NEURL1B: variants seen among roughly 807,000 people sequenced by gnomAD.
NEURL1B encodes E3 ubiquitin-protein ligase NEURL1B.
NEURL1B carries 13 observed loss-of-function variants against 37.4 expected under a neutral mutation model. The ratio of observed to expected loss-of-function variants is 0.35; its 90% CI spans 0.23 to 0.55. The LOEUF (loss-of-function observed/expected upper bound fraction) is 0.55, where lower values mean the gene tolerates loss of function less well. Among genes scored for constraint, NEURL1B ranks in the 20% least tolerant of loss-of-function variants. The pLI, the probability that NEURL1B is intolerant of heterozygous loss-of-function variation, is 0.89. For synonymous variants in NEURL1B, 432 were observed against 426.6 expected (o/e 1.01, Z -0.16); for missense variants, 790 against 879.2 (o/e 0.90, Z 1.28).
chr5:172,676,801 A>T lies in NEURL1B; in HGVS notation c.577+6471A>T, dbSNP rs1408785443. On this transcript the variant is annotated intron_variant, in intron 2 of 4. Coordinates refer to ENST00000369800, the MANE Select transcript of NEURL1B (RefSeq NM_001142651.3). The surrounding 1 kb of genome is among the most constrained non-coding windows in gnomAD (Gnocchi z 4.5). ...TTCTGTTCCTTACAAGAATCCTGTG[A>T]GGCAGGAAACTCATTTGCAAACTCC... 6.6e-6 allele frequency among the ~76,000 whole-genome samples: 1 copy of T among 152,230 alleles called. No individual in the cohort carries two copies. The highest frequency in any genetic ancestry group is 1.5e-5 in the Non-Finnish European group (1 of 68,034).
At chr5:172,660,051 G>A (rs139690626) in intron 1 of NEURL1B, among the ~76,000 whole-genome samples, 166 of 152,340 alleles carry the variant, frequency 1.1e-3, no homozygotes, top group African/African-American at 3.6e-3. Flanking sequence ...GGCAGCCAGC[G>A]CGGGCCCTGG....
chr5:172,643,389 C>T (rs931343912), intron 1 of NEURL1B, among the ~76,000 whole-genome samples: 2 of 152,206 alleles, frequency 1.3e-5, no homozygotes, highest in Admixed American at 6.5e-5. Context: ...GTGATGGTCC[C>T]CATGCATGGA....
chr5:172,665,175 T>C lies in NEURL1B; in HGVS notation c.32-4610T>C, dbSNP rs1757986243. On this transcript the variant is annotated intron_variant, in intron 1 of 4. Transcript: ENST00000369800. The surrounding 1 kb of genome is among the most constrained non-coding windows in gnomAD (Gnocchi z 4.1). Reference sequence around the variant, plus strand: ...CATGGACGCTGGTGCTCAGAAGGGCTTTTGATATGTGGTCATATTTAATGT... The same window carrying C: ...CATGGACGCTGGTGCTCAGAAGGGCCTTTGATATGTGGTCATATTTAATGT... Among the ~76,000 whole-genome samples, 1 of 152,204 alleles carries C rather than the reference T, an allele frequency of 6.6e-6. No homozygotes were observed. Among genetic ancestry groups the C allele is most frequent in the Admixed American group, 6.5e-5 (1 of 15,282 alleles).
intron 1 of NEURL1B, among the ~76,000 whole-genome samples, chr5:172,644,959 T>C (rs7730108): frequency 0.56 from 84,760 of 152,066 alleles, 25,457 homozygotes; most frequent in African/African-American, 0.78. Flanking sequence ...TGGGCTCACC[T>C]GCAGCTCTGG....
intron 1 of NEURL1B, among the ~76,000 whole-genome samples, chr5:172,656,246 T>C (rs1757774019): frequency 2.6e-5 from 4 of 152,074 alleles, no homozygotes; most frequent in Non-Finnish European, 5.9e-5. Context: ...TGAGTTAGGG[T>C]GAAGCAGGTA....
Position 172,683,504 on chromosome 5 carries a change from G to A in NEURL1B, c.663G>A (p.Ala221=). 1.3e-6 allele frequency: 2 copies of A among 1,503,190 alleles called. No individual in the cohort carries two copies. The highest frequency in any genetic ancestry group is 2.5e-5 in the South Asian group (2 of 80,512). The allele number at this position is 1,503,190 out of a possible 1,614,324, so 93.1% of individuals were successfully genotyped here. ...GCCTGCCGCCCAGCAGCCACGACGC[G>A]GCCAACTTCGACAACAACGAGCTCG... The part of the protein sequence containing the change: ...SACLPPSSHD[A]ANFDNNELEN... Residue 221 remains alanine (A), a synonymous_variant, in exon 3 of 5, where the codon GCG becomes GCA. Transcript: ENST00000369800. The surrounding 1 kb of genome is among the most constrained non-coding windows in gnomAD (Gnocchi z 5.6).
intron 3 of NEURL1B, among the ~76,000 whole-genome samples, chr5:172,684,470 G>T (rs1758443589): frequency 1.3e-5 from 2 of 152,252 alleles, no homozygotes; most frequent in East Asian, 1.9e-4. Flanking sequence ...TCCGAGCTTG[G>T]CAGGCTATAT....
rs1286376118 is a variant in NEURL1B at position 172,647,364 on chromosome 5, C to T, written c.31+5927C>T. Reference sequence around the variant, plus strand: ...CTGCACTAGGCCCTTTATTCCATCCCATTGAAGCCGTCATGAGAGCCTTGC... The same window carrying T: ...CTGCACTAGGCCCTTTATTCCATCCTATTGAAGCCGTCATGAGAGCCTTGC... On this transcript the variant is annotated intron_variant, in intron 1 of 4. Coordinates refer to ENST00000369800, the MANE Select transcript of NEURL1B (RefSeq NM_001142651.3). This position sits in a 1 kb window ranked among gnomAD's most constrained non-coding sequence, Gnocchi z 4.2. Among the ~76,000 whole-genome samples the T allele has an allele frequency of 6.6e-6, 1 of 152,172 alleles. No homozygotes were observed. Among genetic ancestry groups the T allele is most frequent in the African/African-American group, 2.4e-5 (1 of 41,426 alleles).
In NEURL1B at chr5:172,663,829, T is replaced by TTTTTTTTTTTTATTATTATTATTATTA. The variant is rs138220033; in HGVS notation, c.32-5954_32-5953insTTTTTTTTTATTATTATTATTATTATT. Among the ~76,000 whole-genome samples the TTTTTTTTTTTTATTATTATTATTATTA allele has an allele frequency of 7.1e-4, 100 of 140,846 alleles. 1 individual carries two copies. The highest frequency in any genetic ancestry group is 3.8e-3 in the South Asian group (16 of 4,252). 92.4% of individuals were successfully genotyped at this position (140,846 alleles called of 152,430 possible). A position where few individuals can be genotyped will look rare whatever the true frequency, so the allele number is the denominator to read the frequency against. On this transcript the variant is annotated intron_variant, in intron 1 of 4. Coordinates refer to ENST00000369800, the MANE Select transcript of NEURL1B (RefSeq NM_001142651.3). ...TTCCTGGCAAAAGAGGTTTTATTTG[T>TTTTTTTTTTTTATTATTATTATTATTA]TTATTATTATTATTATTATTATTAT...
At chr5:172,643,762 G>A (rs1415529637) in intron 1 of NEURL1B, among the ~76,000 whole-genome samples, 1 of 152,200 alleles carries the variant, frequency 6.6e-6, no homozygotes, top group Non-Finnish European at 1.5e-5. Context: ...CTCAGGAAAA[G>A]GACACATGCG....
chr5:172,645,266 CTCCCCTAACCTACGTGGACAG>C, intron 1 of NEURL1B, among the ~76,000 whole-genome samples: 1 of 152,274 alleles, frequency 6.6e-6, no homozygotes, highest in Admixed American at 6.5e-5. Flanking sequence ...GAGAAGCAGC[CTCCCCTAACCTACGTGGACAG>C]TCTGTAAGTG....
In NEURL1B at chr5:172,684,018, G is replaced by T; in HGVS notation, c.1177G>T (p.Asp393Tyr). The part of the protein sequence containing the change: ...ALSFTLRPGG[D>Y]VLLGINGRPR... ...CAGCTTCACGCTGCGGCCCGGCGGC[G>T]ACGTGCTCCTGGGCATCAACGGGCG... The change falls in exon 3 of 5, where the codon GAC becomes TAC. Residue 393 changes from aspartate to tyrosine, a missense_variant. Asp to Tyr is a radical substitution (Grantham distance 160). Coordinates refer to ENST00000369800, the MANE Select transcript of NEURL1B (RefSeq NM_001142651.3). The T allele has an allele frequency of 7.5e-7, 1 of 1,338,364 alleles. No homozygotes were observed. The highest frequency in any genetic ancestry group is 9.6e-7 in the Non-Finnish European group (1 of 1,041,890). 82.9% of individuals were successfully genotyped at this position (1,338,364 alleles called of 1,614,324 possible).
Position 172,669,775 on chromosome 5 carries a change from CTT to C in NEURL1B, c.32-8_32-7del. On this transcript the variant is annotated splice_polypyrimidine_tract_variant and splice_region_variant and intron_variant, in intron 1 of 4. Transcript: ENST00000369800. ...GGAGGCCTAACCGTGCTGCCTGTGT[CTT>C]TCCGCAGACCCGAGCCCACCGGCGC... is the stretch of plus-strand genomic sequence containing the variant. The C allele has an allele frequency of 8.0e-7, 1 of 1,254,722 alleles. No homozygotes were observed. Among genetic ancestry groups the C allele is most frequent in the Non-Finnish European group, 1.0e-6 (1 of 990,794 alleles). 77.7% of individuals were successfully genotyped at this position (1,254,722 alleles called of 1,614,324 possible). A position where few individuals can be genotyped will look rare whatever the true frequency, so the allele number is the denominator to read the frequency against.
At chr5:172,644,049 G>C (rs886673343) in intron 1 of NEURL1B, among the ~76,000 whole-genome samples, 2 of 151,942 alleles carry the variant, frequency 1.3e-5, no homozygotes, top group African/African-American at 4.8e-5. Context: ...TCCTTAGCAC[G>C]TGTCACTATG....
chr5:172,648,574 G>C (rs1279682195), intron 1 of NEURL1B, among the ~76,000 whole-genome samples: 1 of 152,236 alleles, frequency 6.6e-6, no homozygotes, highest in Non-Finnish European at 1.5e-5. Flanking sequence ...AGCTCAAGCA[G>C]TCCAACATGA....
Position 172,686,648 on chromosome 5 carries a change from TG to T in NEURL1B, c.1424-32del. ...AACAGAGCCCACCTGAGAGAGACAT[TG>T]TTAACATATGTCCTCTTCTCCCTTT... is the stretch of plus-strand genomic sequence containing the variant. On this transcript the variant is annotated intron_variant, in intron 4 of 4. Transcript: ENST00000369800. This position sits in a 1 kb window ranked among gnomAD's most constrained non-coding sequence, Gnocchi z 7.9. 1.3e-6 allele frequency: 2 copies of T among 1,532,974 alleles called. No homozygotes were observed. Among genetic ancestry groups the T allele is most frequent in the South Asian group, 2.4e-5 (2 of 83,526 alleles). The allele number at this position is 1,532,974 out of a possible 1,614,324, so 95.0% of individuals were successfully genotyped here.
intron 1 of NEURL1B, among the ~76,000 whole-genome samples, chr5:172,645,592 C>G (rs1757544581): frequency 6.6e-6 from 1 of 152,188 alleles, no homozygotes; most frequent in South Asian, 2.1e-4. Flanking sequence ...GTGATATTGC[C>G]TCTTCTCTTT....
rs11748967 is a variant in NEURL1B, at chr5:172,675,877, A to G, written c.577+5547A>G. ...AGCATTTCACATTTCAGATTTTCAG[A>G]TCAGGGATACTCAACTTATGTCTCT... On this transcript the variant is annotated intron_variant, in intron 2 of 4. Transcript: ENST00000369800. The surrounding 1 kb of genome is among the most constrained non-coding windows in gnomAD (Gnocchi z 4.7). Among the ~76,000 whole-genome samples, 23,370 of 152,056 alleles carry G rather than the reference A, an allele frequency of 0.15. 3,631 individuals are homozygous for G. Among genetic ancestry groups the G allele is most frequent in the African/African-American group, 0.41 (16,782 of 41,424 alleles).
intron 1 of NEURL1B, among the ~76,000 whole-genome samples, chr5:172,654,475 CT>C (rs1245046562): frequency 1.3e-5 from 2 of 152,120 alleles, no homozygotes; most frequent in Non-Finnish European, 2.9e-5. Flanking sequence ...CTTAGATCCC[CT>C]GTTAGGAAAC....
Sources: allele counts gnomAD v4.1 joint callset (sites outside exome capture counted in the v4.1 genomes callset), GRCh38; gene constraint gnomAD v4.1.1; non-coding constraint Gnocchi (gnomAD v3.1); transcripts MANE v1.5; gene names NCBI Gene and HGNC (gene_info 2026-07-23, HGNC 2026-07-21).